The following SGCD variants were observed in gnomAD, a reference collection of about 807,000 sequenced individuals.
SGCD encodes sarcoglycan delta, also known as delta-sarcoglycan.
Under a neutral mutation model 36.6 loss-of-function variants are expected in SGCD, and 18 were observed. The observed-to-expected ratio is 0.49, with a 90% CI of 0.34 to 0.73. The LOEUF (loss-of-function observed/expected upper bound fraction) is 0.73, where lower values mean the gene tolerates loss of function less well. SGCD is among the 30% of genes least tolerant of loss of function. The pLI is 0.01. For missense variants in SGCD, 387 were observed against 346.7 expected, an observed-to-expected ratio of 1.12 and a Z score of -0.92; for synonymous variants, 133 against 130.6, an observed-to-expected ratio of 1.02 and a Z score of -0.12.
chr5:155,896,486 A>C (rs80035171), intron 1 of SGCD, among the ~76,000 whole-genome samples: 3 of 151,370 alleles, frequency 2.0e-5, no homozygotes, highest in African/African-American at 7.3e-5. Context: ...AAAAAAAAAA[A>C]AACACAAGAA....
intron 3 of SGCD, among the ~76,000 whole-genome samples, chr5:156,313,775 A>G (rs1767447335): frequency 1.3e-5 from 2 of 152,192 alleles, no homozygotes; most frequent in Admixed American, 6.5e-5. Flanking sequence ...AGTCAATGCC[A>G]TTAACAATTT....
intron 3 of SGCD, among the ~76,000 whole-genome samples, chr5:156,182,990 T>C (rs200221529): frequency 1.3e-5 from 2 of 152,096 alleles, no homozygotes; most frequent in Non-Finnish European, 1.5e-5. Context: ...TTTAAAGTAA[T>C]TATTATAGGC....
intron 1 of SGCD, among the ~76,000 whole-genome samples, chr5:156,019,994 C>T (rs184362582): frequency 2.4e-3 from 370 of 152,288 alleles, no homozygotes; most frequent in Admixed American, 4.6e-3. Flanking sequence ...CTGGGCATGT[C>T]CACACGTTAT....
chr5:156,492,615 G>C (rs1755995437), intron 3 of SGCD, among the ~76,000 whole-genome samples: 1 of 152,032 alleles, frequency 6.6e-6, no homozygotes, highest in South Asian at 2.1e-4. Flanking sequence ...TGCAGAACAT[G>C]CAGGTTTGTT....
chr5:155,739,903 T>G, the SGCD span, among the ~76,000 whole-genome samples: 28 of 152,106 alleles, frequency 1.8e-4, no homozygotes, highest in Non-Finnish European at 2.9e-5. Context: ...ATACCATTTA[T>G]TTTGATGGAA....
the SGCD span, among the ~76,000 whole-genome samples, chr5:155,807,406 T>C: frequency 6.6e-6 from 1 of 152,254 alleles, no homozygotes; most frequent in Non-Finnish European, 1.5e-5. Flanking sequence ...TCTAGAAAAG[T>C]AATTGGGATT....
intron 1 of SGCD, among the ~76,000 whole-genome samples, chr5:156,030,308 C>A (rs7701517): frequency 6.6e-6 from 1 of 152,030 alleles, no homozygotes; most frequent in East Asian, 1.9e-4. Context: ...CAAGTTAAGG[C>A]GAGGTCATAT....
the SGCD span, among the ~76,000 whole-genome samples, chr5:155,778,813 T>C: frequency 1.3e-5 from 2 of 152,330 alleles, no homozygotes; most frequent in African/African-American, 4.8e-5. Flanking sequence ...CTAGAGTTTG[T>C]GAGCATATTT....
chr5:156,158,245 C>G (rs1444334590), intron 3 of SGCD, among the ~76,000 whole-genome samples: 4 of 151,780 alleles, frequency 2.6e-5, no homozygotes, highest in Admixed American at 6.5e-5. Context: ...TGAGAATCCT[C>G]TTTTCTCTAA....
intron 3 of SGCD, among the ~76,000 whole-genome samples, chr5:156,347,160 A>G (rs1768996370): frequency 1.3e-5 from 2 of 152,162 alleles, no homozygotes; most frequent in Admixed American, 1.3e-4. Context: ...AGAGCAAGAT[A>G]TAATCAGATT....
chr5:156,337,199 A>C (rs1561628357), intron 2 of SGCD, among the ~76,000 whole-genome samples: 3 of 152,224 alleles, frequency 2.0e-5, no homozygotes, highest in Admixed American at 2.0e-4. Context: ...AGATTCCACA[A>C]CAAACTCTAG....
intron 3 of SGCD, among the ~76,000 whole-genome samples, chr5:156,357,142 C>A (rs114277521): frequency 6.6e-6 from 1 of 152,312 alleles, no homozygotes; most frequent in Admixed American, 6.5e-5. Flanking sequence ...ACCATCAATG[C>A]TATTAAGCGT....
intron 2 of SGCD, among the ~76,000 whole-genome samples, chr5:156,334,102 G>GT (rs960943880): frequency 3.1e-4 from 47 of 151,956 alleles, no homozygotes; most frequent in Admixed American, 2.6e-4. Flanking sequence ...GATCTCAAGT[G>GT]TTTGAGTCAT....
chr5:156,043,235 C>A (rs970323724), intron 1 of SGCD, among the ~76,000 whole-genome samples: 6 of 152,084 alleles, frequency 3.9e-5, no homozygotes, highest in African/African-American at 1.4e-4. Context: ...TAAATGCATC[C>A]TTAGAGCATG....
chr5:156,258,804 G>A (rs1015878937), intron 3 of SGCD, among the ~76,000 whole-genome samples: 3 of 151,952 alleles, frequency 2.0e-5, no homozygotes, highest in African/African-American at 4.8e-5. Flanking sequence ...AACTCATAAG[G>A]GAATATTTAA....
chr5:156,514,602 G>T (rs767558184), intron 4 of SGCD, among the ~76,000 whole-genome samples: 1 of 152,146 alleles, frequency 6.6e-6, no homozygotes, highest in African/African-American at 2.4e-5. Context: ...TCTGCCTATC[G>T]TAAGATAGTC....
intron 3 of SGCD, among the ~76,000 whole-genome samples, chr5:156,125,435 GA>G (rs1303375306): frequency 6.6e-6 from 1 of 151,870 alleles, no homozygotes; most frequent in Non-Finnish European, 1.5e-5. Context: ...CTTTGAGGAT[GA>G]AGCACTTTCT....
At chr5:156,633,562 G>A (rs1762713502) in intron 6 of SGCD, among the ~76,000 whole-genome samples, 1 of 152,166 alleles carries the variant, frequency 6.6e-6, no homozygotes, top group African/African-American at 2.4e-5. Flanking sequence ...CTGTGCTTCA[G>A]TTTCTGCTAT....
Position 156,038,632 on chromosome 5 carries a change from C to A in SGCD, c.-281-79246C>A, listed in dbSNP as rs1232665426. ...CCCACACACACACACACAAAATGACCAAAGCTTTCTCTTTACGAGTCAAGA... is the reference window on the plus strand; with the variant it reads ...CCCACACACACACACACAAAATGACAAAAGCTTTCTCTTTACGAGTCAAGA... On this transcript the variant is annotated intron_variant, in intron 1 of 9. Coordinates refer to the SGCD transcript ENST00000517913. Among the ~76,000 whole-genome samples, 3 of 150,658 alleles carry A rather than the reference C, an allele frequency of 2.0e-5. No homozygotes were observed. In the East Asian group the frequency reaches 5.9e-4, roughly 29 times the overall value.
Sources: allele counts gnomAD v4.1 joint callset (sites outside exome capture counted in the v4.1 genomes callset), GRCh38; gene constraint gnomAD v4.1.1; transcripts MANE v1.5; gene names NCBI Gene and HGNC (gene_info 2026-07-23, HGNC 2026-07-21).